The following APBA3 variants were observed in gnomAD, a reference collection of about 807,000 sequenced individuals.
The protein encoded by APBA3 is amyloid-beta A4 precursor protein-binding family A member 3.
A neutral mutation model predicts 55.9 loss-of-function variants in APBA3; 45 were observed. The ratio of observed to expected loss-of-function variants is 0.80; its 90% CI spans 0.63 to 1.03. The LOEUF is 1.03. Ranked by LOEUF, APBA3 falls within the 50% of genes least tolerant of loss-of-function variation. APBA3 has a pLI of 0.00. For synonymous variants in APBA3, 370 were observed against 353.3 expected (o/e 1.05, Z -0.53); for missense variants, 865 against 820.3 (o/e 1.05, Z -0.67).
Position 3,759,550 on chromosome 19 carries a change from G to C in APBA3, c.616+11C>G. ...TTCAGTGCCTGAGGCTAGGGTGGGC[G>C]GGACACTCACCCTCCTGGGGGGCAG... On this transcript the variant is annotated intron_variant, in intron 3 of 10. Coordinates refer to ENST00000316757, the MANE Select transcript of APBA3 (RefSeq NM_004886.4). 1 of 1,593,576 alleles carries C rather than the reference G, an allele frequency of 6.3e-7. No individual in the cohort carries two copies. Among genetic ancestry groups the C allele is most frequent in the East Asian group, 2.3e-5 (1 of 43,928 alleles).
rs372609727 is a variant in APBA3 at position 3,752,491 on chromosome 19, C to T, written c.1395+17G>A. 18 of 1,552,170 alleles carry T rather than the reference C, an allele frequency of 1.2e-5. No homozygotes were observed. In the African/African-American group the frequency reaches 1.9e-4, roughly 16 times the overall value. On this transcript the variant is annotated intron_variant, in intron 8 of 10. Transcript: ENST00000316757. ...CTTCCTGGGAGTGTGGGGGCCCTGC[C>T]ACACCAGGAAACTCACGCGGACAGC...
At chr19:3,753,564 T>C (rs1370986698) in intron 6 of APBA3, 2 of 545,110 alleles carry the variant, frequency 3.7e-6, no homozygotes, top group East Asian at 6.1e-5. Context: ...GAGGATCGCT[T>C]GAGCCTGGAA....
At position 3,759,595 on chromosome 19, in the gene APBA3, G is replaced by C. The variant is rs569731830; in HGVS notation, c.582C>G (p.Pro194=). The C allele has an allele frequency of 2.5e-6, 4 of 1,600,294 alleles. No individual in the cohort carries two copies. The highest frequency in any genetic ancestry group is 2.2e-5 in the East Asian group (1 of 44,572). Residue 194 remains proline (P), a synonymous_variant, in exon 3 of 11, where the codon CCC becomes CCG. Transcript: ENST00000316757. The part of the protein sequence containing the change: ...PEEPPAGAQS[P]ETLASYPAPQ... Reference sequence around the variant, plus strand: ...GGGCAGGGTAGGAAGCCAGGGTCTCGGGGCTCTGGAAGAAGATAGAGGAGG... The same window carrying C: ...GGGCAGGGTAGGAAGCCAGGGTCTCCGGGCTCTGGAAGAAGATAGAGGAGG...
At chr19:3,751,706 A>G in intron 8 of APBA3, 153 bp from the exon 9 acceptor site, 1 of 914,528 alleles carries the variant, frequency 1.1e-6, no homozygotes, top group Non-Finnish European at 1.6e-6. Flanking sequence ...TAGAGAACAG[A>G]CTCGGGCCCG....
intron 3 of APBA3, among the ~76,000 whole-genome samples, chr19:3,758,031 T>C (rs2037099191): frequency 1.3e-5 from 2 of 150,878 alleles, no homozygotes; most frequent in South Asian, 4.2e-4. Context: ...GCCTCCCGGG[T>C]TCATGTGATT....
In APBA3 at chr19:3,760,066, G is replaced by A; in HGVS notation, c.199C>T (p.Leu67=). 1 of 1,613,378 alleles carries A rather than the reference G, an allele frequency of 6.2e-7. No homozygotes were observed. The highest frequency in any genetic ancestry group is 8.5e-7 in the Non-Finnish European group (1 of 1,180,036). ...GATGGGCCCACCAGATCGCCTGGCA[G>A]AGCTTCAAACTGCTGCACCAGCTCC... ...LQELVQQFEA[L]PGDLVGPSPG... Residue 67 remains leucine (L), a synonymous_variant, in exon 2 of 11, where the codon CTG becomes TTG. Coordinates refer to ENST00000316757, the MANE Select transcript of APBA3 (RefSeq NM_004886.4).
Position 3,751,313 on chromosome 19 carries a change from C to A in APBA3, c.1532G>T (p.Arg511Leu). 1 of 1,536,738 alleles carries A rather than the reference C, an allele frequency of 6.5e-7. No homozygotes were observed. Residue 511 changes from arginine to leucine, a missense_variant, in exon 10 of 11, where the codon CGT (arginine) becomes CTT (leucine). Arg to Leu is a moderately radical substitution (Grantham distance 102). Coordinates refer to ENST00000316757, the MANE Select transcript of APBA3 (RefSeq NM_004886.4). ...GCCCCCACGCTCGGCGATGCCACCA[C>A]GGAGGAGGCTGCAGATCTGGGGGAG... ...VEDGIICSLLRGGIAERGGIR... is the reference protein window; with the variant it reads ...VEDGIICSLLLGGIAERGGIR...
chr19:3,754,364 C>G (rs78443877), intron 3 of APBA3, 24 bp from the exon 4 acceptor site: 3 of 1,546,374 alleles, frequency 1.9e-6, no homozygotes, highest in Admixed American at 2.1e-5. Flanking sequence ...CGAAGAGGGT[C>G]GGCCCCCAGG....
Position 3,759,871 on chromosome 19 carries a change from G to A in APBA3, c.394C>T (p.Leu132=), listed in dbSNP as rs1307311144. ...TGCAACAGTCGGGGGGCAGGCTCTAGAGGCTCTTCAGGACCAGTCTGGGAA... is the reference window on the plus strand; with the variant it reads ...TGCAACAGTCGGGGGGCAGGCTCTAAAGGCTCTTCAGGACCAGTCTGGGAA... The part of the protein sequence containing the change: ...PPSQTGPEEP[L]EPAPRLLQPP... The change falls in exon 2 of 11, where the codon CTA becomes TTA. Residue 132 remains leucine (L), a synonymous_variant. Coordinates refer to ENST00000316757, the MANE Select transcript of APBA3 (RefSeq NM_004886.4). The A allele has an allele frequency of 6.2e-7, 1 of 1,612,412 alleles. No homozygotes were observed. Among genetic ancestry groups the A allele is most frequent in the African/African-American group, 1.3e-5 (1 of 74,908 alleles).
At chr19:3,760,507 T>C (rs548491902) in intron 1 of APBA3, among the ~76,000 whole-genome samples, 259 of 147,520 alleles carry the variant, frequency 1.8e-3, no homozygotes, top group Non-Finnish European at 3.1e-3. Context: ...CCCAGCACTT[T>C]GTGAGGCCGA....
intron 1 of APBA3, 22 bp from the exon 2 acceptor site, chr19:3,760,323 C>T: frequency 6.8e-7 from 1 of 1,481,454 alleles, no homozygotes. Flanking sequence ...AGAGTCAGCA[C>T]TGAGGTTTCG....
Position 3,753,000 on chromosome 19 carries a change from G to T in APBA3, c.1012-10C>A. On this transcript the variant is annotated splice_polypyrimidine_tract_variant and intron_variant, in intron 6 of 10. Transcript: ENST00000316757. The stretch of plus-strand genomic sequence containing the variant: ...GGGCGATGAGCTGGGCCTGCGGGGA[G>T]GAGTGGCGCGTCCCTGGGGTGTCCC... 6.2e-7 allele frequency: 1 copy of T among 1,609,112 alleles called. No homozygotes were observed. The highest frequency in any genetic ancestry group is 8.5e-7 in the Non-Finnish European group (1 of 1,179,680).
chr19:3,753,882 G>A lies in APBA3; in HGVS notation c.894C>T (p.Ala298=), dbSNP rs937204747. ...DHALHTISYT[A]DIGCVLVLMA... Reference sequence around the variant, plus strand: ...TCAGCACCAGCACGCAGCCGATGTCGGCTGTGTAGGAGATGGTATGCAGGG... The same window carrying A: ...TCAGCACCAGCACGCAGCCGATGTCAGCTGTGTAGGAGATGGTATGCAGGG... The change falls in exon 6 of 11, where the codon GCC becomes GCT. Residue 298 remains alanine, a synonymous_variant. Transcript: ENST00000316757. 14 of 1,560,826 alleles carry A rather than the reference G, an allele frequency of 9.0e-6. No homozygotes were observed. The highest frequency in any genetic ancestry group is 1.4e-5 in the African/African-American group (1 of 73,790).
rs202068228 is a variant in APBA3, at chr19:3,751,410, C to T, written c.1515+24G>A. 5.4e-4 allele frequency: 812 copies of T among 1,517,084 alleles called. 5 individuals carry two copies. In the African/African-American group the frequency reaches 9.5e-3, roughly 18 times the overall value. 94.0% of individuals were successfully genotyped at this position (1,517,084 alleles called of 1,614,324 possible). A position where few individuals can be genotyped will look rare whatever the true frequency, so the allele number is the denominator to read the frequency against. The stretch of plus-strand genomic sequence containing the variant: ...TCAGGGCCGCCCTACCCCCCCACCC[C>T]GGGGCCAGGGGCCGGGGCCTCACGA... On this transcript the variant is annotated intron_variant, in intron 9 of 10. Coordinates refer to ENST00000316757, the MANE Select transcript of APBA3 (RefSeq NM_004886.4).
At chr19:3,754,149 C>T (rs1156660652) in intron 4 of APBA3, 44 bp from the exon 5 acceptor site, 3 of 1,554,296 alleles carry the variant, frequency 1.9e-6, no homozygotes, top group Non-Finnish European at 2.6e-6. Context: ...ACAGACCCAG[C>T]CTGCAGCCCA....
At chr19:3,756,722 C>A (rs536288114) in intron 3 of APBA3, 3 of 150,660 alleles carry the variant, frequency 2.0e-5, no homozygotes, top group African/African-American at 7.3e-5. Flanking sequence ...GACTCCGTCT[C>A]AGTTTAAAAA....
intron 3 of APBA3, among the ~76,000 whole-genome samples, chr19:3,757,087 T>C (rs926414228): frequency 9.2e-5 from 14 of 152,014 alleles, no homozygotes; most frequent in Admixed American, 2.0e-4. Flanking sequence ...TTCAAACCAG[T>C]TTTTCTCTCT....
chr19:3,753,588 G>A (rs2037037133), intron 6 of APBA3, 177 bp downstream of exon 6: 1 of 630,244 alleles, frequency 1.6e-6, no homozygotes, highest in South Asian at 2.6e-5. Flanking sequence ...TGAGGCTGCA[G>A]TGAACTATGA....
Position 3,752,582 on chromosome 19 carries a change from C to T in APBA3, c.1321G>A (p.Gly441Arg), listed in dbSNP as rs766776005. 42 of 1,587,530 alleles carry T rather than the reference C, an allele frequency of 2.6e-5. No homozygotes were observed. The East Asian group carries it at 6.4e-4, about 24-fold the overall frequency. The change falls in exon 8 of 11, where the codon GGG (glycine) becomes AGG (arginine). Residue 441 changes from glycine to arginine, a missense_variant. By Grantham distance (125) the Gly-to-Arg change is moderately radical. Transcript: ENST00000316757. ...PAERSGALSI[G>R]DRLTAINGTS... ...CCGTTGATGGCGGTCAGGCGGTCCCCGATGCTGAGGGCCCCCGAGCGCTCA... is the reference window on the plus strand; with the variant it reads ...CCGTTGATGGCGGTCAGGCGGTCCCTGATGCTGAGGGCCCCCGAGCGCTCA...
Sources: allele counts gnomAD v4.1 joint callset (sites outside exome capture counted in the v4.1 genomes callset), GRCh38; gene constraint gnomAD v4.1.1; transcripts MANE v1.5; gene names NCBI Gene and HGNC (gene_info 2026-07-23, HGNC 2026-07-21).